The following PTPRD variants were observed in gnomAD, a reference collection of about 807,000 sequenced individuals.
The protein encoded by PTPRD is protein tyrosine phosphatase receptor type D.
Under a neutral mutation model 214.5 loss-of-function variants are expected in PTPRD, and 34 were observed. That is an observed-to-expected ratio of 0.16 (90% CI 0.12 to 0.21). The LOEUF is 0.21. Ranked by LOEUF, PTPRD falls within the 10% of genes least tolerant of loss-of-function variation. The pLI is 1.00. For synonymous variants in PTPRD, 1,128 were observed against 845.7 expected, an observed-to-expected ratio of 1.33 and a Z score of -5.79; for missense variants, 2,545 against 2,398.7, an observed-to-expected ratio of 1.06 and a Z score of -1.27.
intron 6 of PTPRD, among the ~76,000 whole-genome samples, chr9:9,760,816 G>T (rs1038413230): frequency 6.6e-6 from 1 of 152,098 alleles, no homozygotes; most frequent in African/African-American, 2.4e-5. Flanking sequence ...ATAGCCATTA[G>T]AGAAATGCAA....
chr9:9,388,044 T>C (rs114960681), intron 9 of PTPRD, among the ~76,000 whole-genome samples: 3,896 of 152,128 alleles, frequency 0.026, 163 homozygotes, highest in African/African-American at 0.089. Flanking sequence ...ACTGGAAGAA[T>C]TGGATCACAC....
chr9:8,966,026 C>A (rs2099192087), intron 11 of PTPRD, among the ~76,000 whole-genome samples: 1 of 152,122 alleles, frequency 6.6e-6, no homozygotes, highest in Middle Eastern at 3.4e-3. Flanking sequence ...AGAATACAAT[C>A]CCATTTATAA....
intron 11 of PTPRD, among the ~76,000 whole-genome samples, chr9:8,757,602 T>C (rs1285545764): frequency 1.3e-5 from 2 of 148,508 alleles, no homozygotes; most frequent in Non-Finnish European, 3.0e-5. Context: ...GTTAGAATTC[T>C]GCATATATAT....
intron 5 of PTPRD, among the ~76,000 whole-genome samples, chr9:9,792,145 A>T (rs10816181): frequency 0.47 from 71,362 of 151,504 alleles, 17,614 homozygotes; most frequent in Middle Eastern, 0.61. Flanking sequence ...ATTACTCTTT[A>T]TTTTTTTCAC....
chr9:8,676,467 C>T (rs2097421321), intron 12 of PTPRD, among the ~76,000 whole-genome samples: 1 of 150,152 alleles, frequency 6.7e-6, no homozygotes, highest in South Asian at 2.1e-4. Flanking sequence ...ACTACAACCT[C>T]CGCCGCCCAG....
intron 9 of PTPRD, among the ~76,000 whole-genome samples, chr9:9,282,483 A>G (rs1210933968): frequency 6.6e-6 from 1 of 151,402 alleles, no homozygotes; most frequent in Non-Finnish European, 1.5e-5. Context: ...GAATATTAGG[A>G]AAAATTCAGA....
intron 4 of PTPRD, among the ~76,000 whole-genome samples, chr9:9,966,622 G>A (rs2094721298): frequency 6.6e-6 from 1 of 152,102 alleles, no homozygotes; most frequent in Non-Finnish European, 1.5e-5. Flanking sequence ...TAGTCACATT[G>A]AGCTGTGCAA....
chr9:9,798,886 T>A (rs1247957570), intron 5 of PTPRD, among the ~76,000 whole-genome samples: 3 of 152,178 alleles, frequency 2.0e-5, no homozygotes, highest in Non-Finnish European at 4.4e-5. Flanking sequence ...GGTGTGAATC[T>A]CTAATCCTGA....
chr9:8,915,353 G>C (rs1281742749), intron 11 of PTPRD, among the ~76,000 whole-genome samples: 1 of 152,082 alleles, frequency 6.6e-6, no homozygotes, highest in Non-Finnish European at 1.5e-5. Context: ...ACAGAACTCT[G>C]GTGGTGACCA....
intron 11 of PTPRD, among the ~76,000 whole-genome samples, chr9:8,878,741 T>C (rs892139699): frequency 2.0e-5 from 3 of 152,208 alleles, no homozygotes; most frequent in African/African-American, 7.2e-5. Flanking sequence ...CTTGCCCTGC[T>C]GGTCTTGAAT....
intron 14 of PTPRD, among the ~76,000 whole-genome samples, chr9:8,599,312 G>A (rs1281594227): frequency 6.6e-6 from 1 of 152,074 alleles, no homozygotes; most frequent in Non-Finnish European, 1.5e-5. Flanking sequence ...CGTGGGAACA[G>A]ACTAAAACAA....
rs900203383 is a variant in PTPRD, at chr9:9,432,500, T to C, written c.-236-35018A>G. 3.9e-5 allele frequency among the ~76,000 whole-genome samples: 6 copies of C among 152,298 alleles called. No homozygotes were observed. In the East Asian group the frequency reaches 1.2e-3, roughly 29 times the overall value. ...TCAGTTTAAAAAAGGGCAATATTGA[T>C]CCAACAAGAAATAGCCTAATTTTGT... On this transcript the variant is annotated intron_variant, in intron 8 of 45. Coordinates refer to ENST00000381196, the MANE Select transcript of PTPRD (RefSeq NM_002839.4).
At chr9:8,696,491 T>C (rs1325014422) in intron 12 of PTPRD, among the ~76,000 whole-genome samples, 1 of 152,034 alleles carries the variant, frequency 6.6e-6, no homozygotes, top group South Asian at 2.1e-4. Flanking sequence ...ATGGGACGTG[T>C]TATGAATTAG....
chr9:10,543,490 A>ACG (rs2059577492), intron 2 of PTPRD, among the ~76,000 whole-genome samples: 1 of 151,292 alleles, frequency 6.6e-6, no homozygotes, highest in African/African-American at 2.4e-5. Context: ...ACACACACAC[A>ACG]CACACACACA....
chr9:9,157,582 C>A (rs927485020), intron 10 of PTPRD, among the ~76,000 whole-genome samples: 1 of 152,142 alleles, frequency 6.6e-6, no homozygotes, highest in Non-Finnish European at 1.5e-5. Context: ...AACAGAAATT[C>A]TAAAGAGACC....
At chr9:10,266,545 G>A (rs1337245440) in intron 3 of PTPRD, among the ~76,000 whole-genome samples, 1 of 152,096 alleles carries the variant, frequency 6.6e-6, no homozygotes, top group Non-Finnish European at 1.5e-5. Context: ...TCCGGTTAAT[G>A]TTATTAACTA....
At chr9:8,693,881 C>T (rs1030424918) in intron 12 of PTPRD, among the ~76,000 whole-genome samples, 5 of 152,176 alleles carry the variant, frequency 3.3e-5, no homozygotes, top group African/African-American at 9.7e-5. Flanking sequence ...ACTTTTTTCT[C>T]TATAGACTTG....
chr9:8,557,689 G>C (rs545513828), intron 14 of PTPRD, among the ~76,000 whole-genome samples: 1 of 144,956 alleles, frequency 6.9e-6, no homozygotes, highest in East Asian at 2.0e-4. Flanking sequence ...GTTGCAGTGA[G>C]CCGAGATCAC....
chr9:10,403,744 C>G (rs1488529162), intron 2 of PTPRD, among the ~76,000 whole-genome samples: 2 of 151,604 alleles, frequency 1.3e-5, no homozygotes, highest in Non-Finnish European at 2.9e-5. Context: ...AAAGCCAATA[C>G]AAAAAGGCTA....
Sources: allele counts gnomAD v4.1 joint callset (sites outside exome capture counted in the v4.1 genomes callset), GRCh38; gene constraint gnomAD v4.1.1; transcripts MANE v1.5; gene names NCBI Gene and HGNC (gene_info 2026-07-23, HGNC 2026-07-21).